TRMT61B: variants seen among roughly 807,000 people sequenced by gnomAD.
The protein encoded by TRMT61B is tRNA methyltransferase 61B, also known as tRNA (adenine(58)-N(1))-methyltransferase, mitochondrial.
A neutral mutation model predicts 52.0 loss-of-function variants in TRMT61B; 56 were observed. The observed-to-expected ratio is 1.08, with a 90% CI of 0.87 to 1.35. TRMT61B has a LOEUF of 1.35. Ranked by LOEUF, TRMT61B falls within the 40% of genes most tolerant of loss-of-function variation. The probability of loss-of-function intolerance (pLI) is 0.00; values close to 1 mark genes in which losing one functional copy is unlikely to be tolerated. For synonymous variants in TRMT61B, 206 were observed against 220.0 expected (o/e 0.94, Z 0.56); for missense variants, 650 against 577.9 (o/e 1.12, Z -1.28).
rs553131828 is a variant in TRMT61B at position 28,865,085 on chromosome 2, T to C, written c.734A>G (p.Asn245Ser). ...INMILSMMDINPGDTVLEAGS... is the reference protein window; with the variant it reads ...INMILSMMDISPGDTVLEAGS... ...AGCTTCCAAAACAGTATCACCTGGG[T>C]TGATATCCATCATTGAGAGAATCAT... Residue 245 changes from asparagine (N) to serine (S), a missense_variant, in exon 2 of 7, where the codon AAC becomes AGC. Asn to Ser is a conservative substitution (Grantham distance 46). Coordinates refer to ENST00000306108, the MANE Select transcript of TRMT61B (RefSeq NM_017910.4). The C allele has an allele frequency of 2.9e-5, 46 of 1,612,114 alleles. No homozygotes were observed. In the South Asian group the frequency reaches 4.7e-4, roughly 17 times the overall value.
chr2:28,864,015 T>C (rs1431287776), intron 2 of TRMT61B, among the ~76,000 whole-genome samples: 4 of 152,016 alleles, frequency 2.6e-5, no homozygotes, highest in Non-Finnish European at 1.5e-5. Flanking sequence ...GGTAGGAACA[T>C]GAAAAAATAT....
intron 3 of TRMT61B, among the ~76,000 whole-genome samples, chr2:28,859,361 G>C (rs907766619): frequency 2.6e-5 from 4 of 152,178 alleles, no homozygotes; most frequent in African/African-American, 7.2e-5. Flanking sequence ...GATTACAGGC[G>C]TGAGCCACTG....
chr2:28,862,812 G>A (rs1219226372), intron 2 of TRMT61B, among the ~76,000 whole-genome samples: 1 of 133,610 alleles, frequency 7.5e-6, no homozygotes, highest in Non-Finnish European at 1.6e-5. Flanking sequence ...CCAACATGGT[G>A]AAACCCTGTC....
chr2:28,865,152 A>G (rs768079325), intron 1 of TRMT61B, 33 bp from the exon 2 acceptor site: 22 of 1,247,958 alleles, frequency 1.8e-5, no homozygotes, highest in Non-Finnish European at 2.2e-5. Flanking sequence ...TGACTCAGCG[A>G]CCAATAAATA....
chr2:28,867,956 G>T (rs1318127515), intron 1 of TRMT61B, among the ~76,000 whole-genome samples: 2 of 151,984 alleles, frequency 1.3e-5, no homozygotes, highest in African/African-American at 2.4e-5. Context: ...GGAGGTTGAG[G>T]TGCGAGGATT....
At chr2:28,868,104 T>C (rs1669925753) in intron 1 of TRMT61B, among the ~76,000 whole-genome samples, 1 of 152,118 alleles carries the variant, frequency 6.6e-6, no homozygotes. Context: ...GAGGAAAGTT[T>C]TTTTAGTCCC....
At chr2:28,867,233 C>T (rs1173742536) in intron 1 of TRMT61B, among the ~76,000 whole-genome samples, 3 of 152,082 alleles carry the variant, frequency 2.0e-5, no homozygotes, top group Non-Finnish European at 2.9e-5. Context: ...GTAGCTGGGA[C>T]CACAAGTGTG....
rs866323994 is a variant in TRMT61B at position 28,869,941 on chromosome 2, C to G, written c.337G>C (p.Gly113Arg). ...TCCTCGGATCCCTGGTGTGTGGGAC[C>G]GCACCGGCCCTGGTCTCCGCTCGAG... is the stretch of plus-strand genomic sequence containing the variant. ...EDSSGDQGRC[G>R]PTHQGSEDPS... The change falls in exon 1 of 7, where the codon GGT (glycine) becomes CGT (arginine). Residue 113 changes from glycine to arginine, a missense_variant. Transcript: ENST00000306108. The G allele has an allele frequency of 3.7e-6, 6 of 1,613,822 alleles. 1 individual carries two copies. In the South Asian group the frequency reaches 5.5e-5, roughly 15 times the overall value.
At chr2:28,861,596 T>G (rs1286182443) in intron 2 of TRMT61B, 3 of 251,822 alleles carry the variant, frequency 1.2e-5, no homozygotes, top group Non-Finnish European at 2.2e-5. Flanking sequence ...CACACTGTCC[T>G]GTACCTTCCT....
intron 2 of TRMT61B, among the ~76,000 whole-genome samples, chr2:28,863,620 A>G (rs1293814307): frequency 2.0e-5 from 3 of 152,174 alleles, no homozygotes; most frequent in African/African-American, 7.2e-5. Context: ...TTATAAATCC[A>G]CTTTGTCAAA....
rs917519363 is a variant in TRMT61B, at chr2:28,870,156, C to T, written c.122G>A (p.Arg41Lys). 1 of 1,613,938 alleles carries T rather than the reference C, an allele frequency of 6.2e-7. No homozygotes were observed. The highest frequency in any genetic ancestry group is 8.5e-7 in the Non-Finnish European group (1 of 1,180,040). The change falls in exon 1 of 7, where the codon AGG becomes AAG. Residue 41 changes from arginine (R) to lysine (K), a missense_variant. Transcript: ENST00000306108. ...PFEGARSLCC[R>K]SSPRDLRDGE... Reference sequence around the variant, plus strand: ...ATCTCGCAGGTCTCTAGGCGAGGACCTGCAACACAGTGACCGAGCTCCCTC... The same window carrying T: ...ATCTCGCAGGTCTCTAGGCGAGGACTTGCAACACAGTGACCGAGCTCCCTC...
intron 3 of TRMT61B, among the ~76,000 whole-genome samples, chr2:28,854,993 T>A (rs774210450): frequency 6.6e-6 from 1 of 152,048 alleles, no homozygotes; most frequent in Non-Finnish European, 1.5e-5. Flanking sequence ...ATTTTATACA[T>A]AGACTGGTCA....
intron 3 of TRMT61B, among the ~76,000 whole-genome samples, chr2:28,854,738 CAAAAAAAAAA>C (rs57513823): frequency 2.3e-5 from 2 of 86,428 alleles, no homozygotes; most frequent in African/African-American, 5.3e-5. Flanking sequence ...GACTCCGTCT[CAAAAAAAAAA>C]AAAAAAAAAA....
chr2:28,863,806 G>A (rs1008077531), intron 2 of TRMT61B, among the ~76,000 whole-genome samples: 3 of 152,166 alleles, frequency 2.0e-5, no homozygotes, highest in Non-Finnish European at 4.4e-5. Context: ...AAAGGTGTGA[G>A]TTTAATTTCA....
rs1412708255 is a variant in TRMT61B at position 28,851,989 on chromosome 2, A to C, written c.1085+419T>G. ...CTTGTCATTTTAAAACAGTTGTATA[A>C]GATGCCATATACACTTTATTCAGTT... is the stretch of plus-strand genomic sequence containing the variant. On this transcript the variant is annotated intron_variant, in intron 4 of 6. Coordinates refer to ENST00000306108, the MANE Select transcript of TRMT61B (RefSeq NM_017910.4). 2.6e-5 allele frequency among the ~76,000 whole-genome samples: 4 copies of C among 151,772 alleles called. No homozygotes were observed. The East Asian group carries it at 5.8e-4, about 22-fold the overall frequency.
At chr2:28,866,814 CT>C (rs1361306652) in intron 1 of TRMT61B, among the ~76,000 whole-genome samples, 1 of 152,078 alleles carries the variant, frequency 6.6e-6, no homozygotes, top group Non-Finnish European at 1.5e-5. Flanking sequence ...AACAAATTTT[CT>C]TGGTGACAGG....
At chr2:28,858,324 G>A (rs987144060) in intron 3 of TRMT61B, among the ~76,000 whole-genome samples, 1 of 152,048 alleles carries the variant, frequency 6.6e-6, no homozygotes, top group Non-Finnish European at 1.5e-5. Context: ...ACAGGTGTGA[G>A]CCATTGCGCC....
At position 28,854,770 on chromosome 2, in the gene TRMT61B, A is replaced by AAAAAG. The variant is rs777576460; in HGVS notation, c.994-2272_994-2271insCTTTT. On this transcript the variant is annotated intron_variant, in intron 3 of 6. Transcript: ENST00000306108. ...AAAAAAAAAAAAAAAAAAAAAAAAA[A>AAAAAG]ACTGCCAGGCGTGGTGGCATGCTCC... Among the ~76,000 whole-genome samples the AAAAAG allele has an allele frequency of 5.4e-4, 59 of 109,432 alleles. 11 individuals are homozygous for AAAAAG. The highest frequency in any genetic ancestry group is 1.8e-3 in the African/African-American group (51 of 28,576). 71.8% of individuals were successfully genotyped at this position (109,432 alleles called of 152,430 possible).
intron 1 of TRMT61B, among the ~76,000 whole-genome samples, chr2:28,867,005 G>A (rs1490409360): frequency 6.6e-6 from 1 of 151,622 alleles, no homozygotes; most frequent in Non-Finnish European, 1.5e-5. Context: ...TGCTATGTTG[G>A]CCAGGTTAGT....
Sources: allele counts gnomAD v4.1 joint callset (sites outside exome capture counted in the v4.1 genomes callset), GRCh38; gene constraint gnomAD v4.1.1; transcripts MANE v1.5; gene names NCBI Gene and HGNC (gene_info 2026-07-23, HGNC 2026-07-21).